FANCI: variants seen among roughly 807,000 people sequenced by gnomAD.
FANCI encodes FA complementation group I.
A neutral mutation model predicts 176.1 loss-of-function variants in FANCI; 156 were observed. The ratio of observed to expected loss-of-function variants is 0.89; its 90% CI spans 0.78 to 1.01. The LOEUF (loss-of-function observed/expected upper bound fraction) is 1.01. FANCI is among the 50% of genes least tolerant of loss of function. FANCI has a pLI of 0.00. For synonymous variants in FANCI, 613 were observed against 541.7 expected, an observed-to-expected ratio of 1.13 and a Z score of -1.83; for missense variants, 1,678 against 1,534.1, an observed-to-expected ratio of 1.09 and a Z score of -1.57.
intron 9 of FANCI, among the ~76,000 whole-genome samples, chr15:89,267,320 CAA>C (rs35394265): frequency 1.5e-5 from 2 of 130,226 alleles, no homozygotes; most frequent in Admixed American, 7.6e-5. Flanking sequence ...ATCCTTGTCT[CAA>C]AAAAAAAAAA....
intron 16 of FANCI, chr15:89,282,858 C>T (rs1386049362): frequency 2.3e-6 from 1 of 428,720 alleles, no homozygotes; most frequent in Non-Finnish European, 4.4e-6. Context: ...TACAGTCTCT[C>T]AGCAGTCTTC....
chr15:89,300,899 C>T (rs952338958), intron 26 of FANCI, among the ~76,000 whole-genome samples: 2 of 152,176 alleles, frequency 1.3e-5, no homozygotes, highest in African/African-American at 4.8e-5. Context: ...TATTCCTATC[C>T]TTATGGAGCT....
At chr15:89,282,254 A>G in intron 16 of FANCI, 1 of 205,098 alleles carries the variant, frequency 4.9e-6, no homozygotes, top group Non-Finnish European at 1.0e-5. Context: ...AGCTGGCAGC[A>G]GTTCCAAAGG....
chr15:89,291,690 T>C lies in FANCI; in HGVS notation c.1968T>C (p.Asp656=), dbSNP rs1283255925. ...AAGCTTGTATTCTGACCCAAGGAGA[T>C]AAGATCTCTCTACAAGAACCACTGG... The part of the protein sequence containing the change: ...KLEACILTQG[D]KISLQEPLDY... Residue 656 remains aspartate, a synonymous_variant, in exon 20 of 38, where the codon GAT becomes GAC. Coordinates refer to ENST00000310775, the MANE Select transcript of FANCI (RefSeq NM_001113378.2). 7 of 1,613,784 alleles carry C rather than the reference T, an allele frequency of 4.3e-6. No individual in the cohort carries two copies. In the South Asian group the frequency reaches 4.4e-5, roughly 10 times the overall value.
chr15:89,269,116 C>T (rs1032930909), intron 10 of FANCI, among the ~76,000 whole-genome samples: 2 of 152,176 alleles, frequency 1.3e-5, no homozygotes, highest in African/African-American at 4.8e-5. Context: ...GCGTGAAGAA[C>T]ACCTATGTTC....
intron 27 of FANCI, among the ~76,000 whole-genome samples, chr15:89,302,817 C>T (rs2054575940): frequency 6.6e-6 from 1 of 152,178 alleles, no homozygotes; most frequent in Non-Finnish European, 1.5e-5. Context: ...TCGTGATTCA[C>T]CCGCCTCGGC....
intron 19 of FANCI, among the ~76,000 whole-genome samples, chr15:89,291,244 A>G (rs2054056036): frequency 6.6e-6 from 1 of 152,194 alleles, no homozygotes; most frequent in Non-Finnish European, 1.5e-5. Context: ...TAAGATGAGG[A>G]ATCACGGTAC....
At chr15:89,288,797 G>A (rs988333078) in intron 18 of FANCI, among the ~76,000 whole-genome samples, 2 of 150,172 alleles carry the variant, frequency 1.3e-5, no homozygotes, top group Non-Finnish European at 3.0e-5. Context: ...TAATTTTTCT[G>A]TTTGTTTTTT....
At chr15:89,249,462 C>T (rs1410002730) in intron 2 of FANCI, among the ~76,000 whole-genome samples, 6 of 152,314 alleles carry the variant, frequency 3.9e-5, no homozygotes, top group African/African-American at 1.4e-4. Flanking sequence ...ATCCTCCCAC[C>T]TCAGCCTCCT....
intron 36 of FANCI, 57 bp from the exon 37 acceptor site, chr15:89,315,225 C>A: frequency 1.5e-6 from 2 of 1,313,488 alleles, no homozygotes; most frequent in Non-Finnish European, 2.2e-6. Flanking sequence ...ATGGCTTAAG[C>A]TGTTCTGGCA....
At chr15:89,249,642 C>G (rs1033181521) in intron 2 of FANCI, among the ~76,000 whole-genome samples, 5 of 152,162 alleles carry the variant, frequency 3.3e-5, no homozygotes, top group Non-Finnish European at 7.3e-5. Flanking sequence ...GCCACTCTGC[C>G]TGACCTAGTA....
intron 1 of FANCI, among the ~76,000 whole-genome samples, chr15:89,244,442 C>T (rs1408621862): frequency 3.3e-5 from 5 of 152,206 alleles, no homozygotes; most frequent in African/African-American, 1.2e-4. Flanking sequence ...TTCCCGCCGG[C>T]GGGGCTCTGC....
At chr15:89,249,947 CAT>C (rs2052166027) in intron 2 of FANCI, among the ~76,000 whole-genome samples, 1 of 152,210 alleles carries the variant, frequency 6.6e-6, no homozygotes. Flanking sequence ...AAATTAATCA[CAT>C]GTCATATACT....
chr15:89,273,577 T>G, intron 11 of FANCI, 108 bp downstream of exon 11: 1 of 725,514 alleles, frequency 1.4e-6, no homozygotes, highest in Non-Finnish European at 2.4e-6. Flanking sequence ...CTAAACAATT[T>G]TATCCCCTTC....
intron 24 of FANCI, among the ~76,000 whole-genome samples, chr15:89,297,017 C>T (rs1355806236): frequency 1.3e-5 from 2 of 149,778 alleles, no homozygotes. Flanking sequence ...CTGGCGGGGG[C>T]TGACCCCCAC....
At chr15:89,264,465 C>A in intron 8 of FANCI, 57 bp from the exon 9 acceptor site, 1 of 1,414,902 alleles carries the variant, frequency 7.1e-7, no homozygotes, top group Non-Finnish European at 1.0e-6. Flanking sequence ...ACTTTGAATT[C>A]AAATTGGTTA....
In FANCI at chr15:89,293,050, A is replaced by C. The variant is rs780410177; in HGVS notation, c.2278A>C (p.Ile760Leu). The change falls in exon 22 of 38, where the codon ATA becomes CTA. Residue 760 changes from isoleucine to leucine, a missense_variant. Ile to Leu is a conservative substitution (Grantham distance 5). Around this residue, in one of 3 missense-constraint regions of FANCI, gnomAD observed 1,204 missense variants for 1,077.4 expected, o/e 1.12. Transcript: ENST00000310775. ...CEVLIEYNFS[I>L]SSFSKNRFED... ...GGTTTTAATAGAATACAATTTCTCCATAAGTAGTTTCAGGTAAGGTTTTGC... is the reference window on the plus strand; with the variant it reads ...GGTTTTAATAGAATACAATTTCTCCCTAAGTAGTTTCAGGTAAGGTTTTGC... The C allele has an allele frequency of 8.1e-6, 13 of 1,613,692 alleles. No homozygotes were observed. Among genetic ancestry groups the C allele is most frequent in the Non-Finnish European group, 1.1e-5 (13 of 1,179,914 alleles).
intron 3 of FANCI, chr15:89,259,116 G>C (rs886369638): frequency 9.4e-6 from 3 of 319,124 alleles, no homozygotes; most frequent in Non-Finnish European, 1.8e-5. Context: ...CAAGGGGCAA[G>C]TAACCTCTGG....
rs1036204546 is a variant in FANCI at position 89,277,018 on chromosome 15, A to T, written c.1293+127A>T. ...GTATTAGTTTGACAGAGGATATATG[A>T]CAGAGATTAGGATAATATTGAAACA... On this transcript the variant is annotated intron_variant, in intron 13 of 37. Coordinates refer to ENST00000310775, the MANE Select transcript of FANCI (RefSeq NM_001113378.2). 13 of 905,652 alleles carry T rather than the reference A, an allele frequency of 1.4e-5. No homozygotes were observed. In the African/African-American group the frequency reaches 2.1e-4, roughly 15 times the overall value. The allele number at this position is 905,652 out of a possible 1,614,324, so 56.1% of individuals were successfully genotyped here. A position where few individuals can be genotyped will look rare whatever the true frequency, so the allele number is the denominator to read the frequency against.
Sources: gnomAD v4.1 joint callset for allele counts (sites outside exome capture counted in the v4.1 genomes callset) on GRCh38, gnomAD v4.1.1 for gene constraint, gnomAD v4.1.1 regional missense constraint, MANE v1.5 for transcripts, NCBI Gene and HGNC (gene_info 2026-07-23, HGNC 2026-07-21) for gene names.